Variants in ZHX1 observed in about 807,000 individuals in gnomAD.
ZHX1 encodes the protein zinc fingers and homeoboxes protein 1.
In ZHX1, 20 loss-of-function variants were observed where a neutral mutation model predicts 61.8. The ratio of observed to expected loss-of-function variants is 0.32; its 90% CI spans 0.23 to 0.47. ZHX1 has a LOEUF of 0.47. Among genes scored for constraint, ZHX1 ranks in the 20% least tolerant of loss-of-function variants. The pLI is 1.00. For missense variants in ZHX1, 800 were observed against 1,034.8 expected, an observed-to-expected ratio of 0.77 and a Z score of 3.11; for synonymous variants, 318 against 352.6, an observed-to-expected ratio of 0.90 and a Z score of 1.10.
At chr8:123,252,762 T>C (rs1384063576) in intron 3 of ZHX1, 3 of 152,142 alleles carry the variant, frequency 2.0e-5, no homozygotes, top group Non-Finnish European at 4.4e-5. Context: ...CATAAAGCAT[T>C]TTAAACTCTA....
chr8:123,249,352 C>A lies in ZHX1; in HGVS notation c.*972G>T, dbSNP rs892473275. 6 of 152,146 alleles carry A rather than the reference C, an allele frequency of 3.9e-5. No individual in the cohort carries two copies. The highest frequency in any genetic ancestry group is 4.1e-4 in the South Asian group (2 of 4,834). 9.4% of individuals were successfully genotyped at this position (152,146 alleles called of 1,614,324 possible). ...TCATAAGTGAAAAGCTAACTTTTAACTCATTATGATCAGTTCAGAATTTTT... is the reference window on the plus strand; with the variant it reads ...TCATAAGTGAAAAGCTAACTTTTAAATCATTATGATCAGTTCAGAATTTTT... On this transcript the variant is annotated 3_prime_UTR_variant, in exon 4 of 4. Coordinates refer to ENST00000395571, the MANE Select transcript of ZHX1 (RefSeq NM_007222.5).
chr8:123,269,721 T>C (rs1180751168), intron 1 of ZHX1, among the ~76,000 whole-genome samples: 1 of 152,240 alleles, frequency 6.6e-6, no homozygotes, highest in Admixed American at 6.5e-5. Flanking sequence ...AATAGGGTTG[T>C]TGTGAGGATT....
chr8:123,269,463 G>T (rs1381807140), intron 1 of ZHX1, among the ~76,000 whole-genome samples: 1 of 152,126 alleles, frequency 6.6e-6, no homozygotes, highest in Non-Finnish European at 1.5e-5. Context: ...AATTTAGTAT[G>T]AGTGAATTCC....
intron 2 of ZHX1, among the ~76,000 whole-genome samples, chr8:123,263,669 T>TA (rs796411195): frequency 2.5e-4 from 38 of 152,030 alleles, no homozygotes; most frequent in African/African-American, 8.0e-4. Flanking sequence ...CTGCCTCTAC[T>TA]AAAAAAATAC....
chr8:123,250,089 A>AT lies in ZHX1; in HGVS notation c.*234dup, dbSNP rs1305274030. Reference sequence around the variant, plus strand: ...TGTACTGTATTAAAATTTAAATTGCATTTTTACAAGTTGTTTTTTAATTAG... The same window carrying AT: ...TGTACTGTATTAAAATTTAAATTGCATTTTTTACAAGTTGTTTTTTAATTAG... On this transcript the variant is annotated 3_prime_UTR_variant, in exon 4 of 4. Transcript: ENST00000395571. The AT allele has an allele frequency of 1.1e-5, 4 of 360,760 alleles. No individual in the cohort carries two copies. The East Asian group carries it at 3.3e-4, about 30-fold the overall frequency. The allele number at this position is 360,760 out of a possible 1,614,324, so 22.3% of individuals were successfully genotyped here. A position where few individuals can be genotyped will look rare whatever the true frequency, so the allele number is the denominator to read the frequency against.
chr8:123,254,490 T>C lies in ZHX1; in HGVS notation c.1457A>G (p.Asn486Ser), dbSNP rs1186299674. ...AATTTCTGAATCATGGGGAAACTGA[T>C]TTTTAAGGTAGCTAACTTTTAATTC... ...LAELKVSYLK[N>S]QFPHDSEIIR... is the part of the protein sequence containing the mutation. The change falls in exon 3 of 4, where the codon AAT (asparagine) becomes AGT (serine). Residue 486 changes from asparagine (N) to serine (S), a missense_variant. Asn to Ser is a conservative substitution (Grantham distance 46). Transcript: ENST00000395571. The surrounding 1 kb of genome is among the most constrained non-coding windows in gnomAD (Gnocchi z 4.1). 1 of 1,613,880 alleles carries C rather than the reference T, an allele frequency of 6.2e-7. No homozygotes were observed. The highest frequency in any genetic ancestry group is 8.5e-7 in the Non-Finnish European group (1 of 1,179,952).
At chr8:123,264,504 G>A (rs922970525) in intron 2 of ZHX1, among the ~76,000 whole-genome samples, 10 of 152,160 alleles carry the variant, frequency 6.6e-5, no homozygotes, top group Non-Finnish European at 1.2e-4. Context: ...ATAACAATAT[G>A]TTGGCCTGGT....
At chr8:123,272,901 G>A (rs1472631165) in intron 1 of ZHX1, among the ~76,000 whole-genome samples, 1 of 151,720 alleles carries the variant, frequency 6.6e-6, no homozygotes, top group African/African-American at 2.4e-5. Context: ...AAGTTACATG[G>A]AATCCCAACC....
intron 3 of ZHX1, among the ~76,000 whole-genome samples, 158 bp from the exon 4 acceptor site, chr8:123,250,478 C>T (rs999024196): frequency 6.6e-6 from 1 of 152,198 alleles, no homozygotes; most frequent in African/African-American, 2.4e-5. Context: ...TTGTGTGCAA[C>T]TCATCTATGT....
At chr8:123,269,209 T>C (rs1286197712) in intron 1 of ZHX1, among the ~76,000 whole-genome samples, 2 of 152,196 alleles carry the variant, frequency 1.3e-5, no homozygotes, top group Non-Finnish European at 2.9e-5. Context: ...GAATTATTAA[T>C]ACTTTAGGAA....
intron 2 of ZHX1, among the ~76,000 whole-genome samples, chr8:123,258,640 G>T (rs796848367): frequency 1.1e-4 from 17 of 152,228 alleles, no homozygotes; most frequent in African/African-American, 3.6e-4. Flanking sequence ...TTATTAAATT[G>T]ACTAGAATGA....
At position 123,255,194 on chromosome 8, in the gene ZHX1, C is replaced by T; in HGVS notation, c.753G>A (p.Val251=). 1 of 1,614,156 alleles carries T rather than the reference C, an allele frequency of 6.2e-7. No homozygotes were observed. The highest frequency in any genetic ancestry group is 8.5e-7 in the Non-Finnish European group (1 of 1,180,008). The change falls in exon 3 of 4, where the codon GTG becomes GTA. Residue 251 remains valine (V), a synonymous_variant. Coordinates refer to ENST00000395571, the MANE Select transcript of ZHX1 (RefSeq NM_007222.5). ...ATCCAGGAAGAACTGCTGCTGGTGT[C>T]ACTACCGTGCTGGCAGTACTTGGAT... ...RIHPSTASTV[V]TPAAVLPGLA... is the part of the protein sequence containing the mutation.
At chr8:123,257,871 C>A (rs746514124) in intron 2 of ZHX1, among the ~76,000 whole-genome samples, 1 of 151,982 alleles carries the variant, frequency 6.6e-6, no homozygotes, top group East Asian at 1.9e-4. Context: ...CTAGAGATCA[C>A]CTTCTCCCTT....
chr8:123,265,340 A>C (rs965567291), intron 2 of ZHX1, among the ~76,000 whole-genome samples: 5 of 152,254 alleles, frequency 3.3e-5, no homozygotes, highest in African/African-American at 1.2e-4. Context: ...ATATACCGAG[A>C]ATGTTTGGGA....
intron 2 of ZHX1, among the ~76,000 whole-genome samples, chr8:123,263,611 C>CA (rs1458720684): frequency 7.9e-5 from 12 of 152,050 alleles, no homozygotes; most frequent in Admixed American, 7.9e-4. Context: ...GTGGGCAGAT[C>CA]AATTGAGGTC....
Position 123,256,062 on chromosome 8 carries a change from C to A in ZHX1, c.-116G>T. On this transcript the variant is annotated 5_prime_UTR_variant, in exon 3 of 4. The change creates a premature stop within an existing upstream ORF in the 5' untranslated region. Coordinates refer to ENST00000395571, the MANE Select transcript of ZHX1 (RefSeq NM_007222.5). ...GGTTCTTCAAGTCCATTTTTGTGCT[C>A]AACAAGTCTCATTAGCAGCTTTCTC... 1.1e-6 allele frequency: 1 copy of A among 900,434 alleles called. No homozygotes were observed. Among genetic ancestry groups the A allele is most frequent in the Non-Finnish European group, 1.6e-6 (1 of 610,066 alleles). 55.8% of individuals were successfully genotyped at this position (900,434 alleles called of 1,614,324 possible).
chr8:123,270,993 G>A (rs1826634592), intron 1 of ZHX1, among the ~76,000 whole-genome samples: 1 of 152,094 alleles, frequency 6.6e-6, no homozygotes. Flanking sequence ...TACATACAAA[G>A]TTACATATTA....
Position 123,254,143 on chromosome 8 carries a change from T to C in ZHX1, c.1804A>G (p.Arg602Gly). ...CTTCTGGTAAGTTTGGTTTGTGCCC[T>C]TAACCTATTTAATTCTTCATCTGTA... ...VLTDEELNRLRAQTKLTRREI... is the reference protein window; with the variant it reads ...VLTDEELNRLGAQTKLTRREI... The change falls in exon 3 of 4, where the codon AGG (arginine) becomes GGG (glycine). Residue 602 changes from arginine to glycine, a missense_variant. Coordinates refer to ENST00000395571, the MANE Select transcript of ZHX1 (RefSeq NM_007222.5). This position sits in a 1 kb window ranked among gnomAD's most constrained non-coding sequence, Gnocchi z 4.1. The C allele has an allele frequency of 6.2e-7, 1 of 1,614,166 alleles. No homozygotes were observed.
upstream of ZHX1, among the ~76,000 whole-genome samples, chr8:123,275,065 A>C (rs970051903): frequency 6.6e-6 from 1 of 152,138 alleles, no homozygotes; most frequent in Non-Finnish European, 1.5e-5. Flanking sequence ...GTTCAGCTGC[A>C]CTCAGAACCG....
Sources: allele counts gnomAD v4.1 joint callset (sites outside exome capture counted in the v4.1 genomes callset), GRCh38; gene constraint gnomAD v4.1.1; non-coding constraint Gnocchi (gnomAD v3.1); transcripts MANE v1.5; gene names NCBI Gene and HGNC (gene_info 2026-07-23, HGNC 2026-07-21).